GSDMA: variants seen among roughly 807,000 people sequenced by gnomAD.
GSDMA encodes gasdermin A.
GSDMA carries 55 observed loss-of-function variants against 54.3 expected under a neutral mutation model. The ratio of observed to expected loss-of-function variants is 1.01; its 90% CI spans 0.82 to 1.27. The LOEUF (loss-of-function observed/expected upper bound fraction) is 1.27. Among genes scored for constraint, GSDMA ranks in the 50% most tolerant of loss-of-function variants. The pLI is 0.00. For missense variants in GSDMA, 542 were observed against 542.6 expected (o/e 1.00, Z 0.01); for synonymous variants, 211 against 224.7 (o/e 0.94, Z 0.54).
In GSDMA at chr17:39,976,424, G is replaced by A. The variant is rs1426493831; in HGVS notation, c.1096-392G>A. ...CTCCCGAGTAGCTGGGATTACAGGCGCCCACCACCACACCCTGCTAATTTT... is the reference window on the plus strand; with the variant it reads ...CTCCCGAGTAGCTGGGATTACAGGCACCCACCACCACACCCTGCTAATTTT... On this transcript the variant is annotated intron_variant, in intron 11 of 11. Coordinates refer to ENST00000301659, the MANE Select transcript of GSDMA (RefSeq NM_178171.5). Among the ~76,000 whole-genome samples the A allele has an allele frequency of 7.9e-5, 12 of 151,930 alleles. No homozygotes were observed. The East Asian group carries it at 2.1e-3, about 27-fold the overall frequency.
At chr17:39,976,067 C>T in intron 11 of GSDMA, 70 bp downstream of exon 11, 2 of 1,189,710 alleles carry the variant, frequency 1.7e-6, no homozygotes, top group Non-Finnish European at 2.4e-6. Flanking sequence ...GCAGATTTCG[C>T]CTAAGGATGG....
rs1568127916 is a variant in GSDMA at position 39,966,448 on chromosome 17, G to A, written c.392+11G>A. On this transcript the variant is annotated intron_variant, in intron 3 of 11. Coordinates refer to ENST00000301659, the MANE Select transcript of GSDMA (RefSeq NM_178171.5). ...GACCGTGCAGGAGAGGTGAGAGTGG[G>A]CGGGACTGAGGGTCTCCCGGGATGT... 6 of 1,586,668 alleles carry A rather than the reference G, an allele frequency of 3.8e-6. No individual in the cohort carries two copies. The highest frequency in any genetic ancestry group is 2.7e-5 in the African/African-American group (2 of 73,530).
At chr17:39,970,728 C>T (rs1979902136) in intron 4 of GSDMA, 81 bp downstream of exon 4, 2 of 1,256,908 alleles carry the variant, frequency 1.6e-6, no homozygotes, top group African/African-American at 1.6e-5. Flanking sequence ...TTCAGCCCCT[C>T]CTTGGAGGCT....
intron 2 of GSDMA, 46 bp downstream of exon 2, chr17:39,965,947 G>A (rs8069202): frequency 0.45 from 676,112 of 1,516,220 alleles, 152,454 homozygotes; most frequent in East Asian, 0.54. Flanking sequence ...TGAGGGACAG[G>A]GGCTGGGCAC....
In GSDMA at chr17:39,965,830, T is replaced by C; in HGVS notation, c.143T>C (p.Phe48Ser). The change falls in exon 2 of 12, where the codon TTC (phenylalanine) becomes TCC (serine). Residue 48 changes from phenylalanine to serine, a missense_variant. By Grantham distance (155) the Phe-to-Ser change is radical. Transcript: ENST00000301659. ...CTGAGGAAGAGGAAGAGCACGCTCT[T>C]CTGGGGGGCCCGGTACGTCCGCACC... ...LVLRKRKSTL[F>S]WGARYVRTDY... is the part of the protein sequence containing the mutation. 1 of 1,584,108 alleles carries C rather than the reference T, an allele frequency of 6.3e-7. No homozygotes were observed.
At chr17:39,972,548 G>C (rs994173318) in intron 6 of GSDMA, 39 bp from the exon 7 acceptor site, 1 of 1,606,526 alleles carries the variant, frequency 6.2e-7, no homozygotes, top group Non-Finnish European at 8.5e-7. Flanking sequence ...GGCAAAAATG[G>C]GTTTTGTGCT....
intron 11 of GSDMA, 121 bp from the exon 12 acceptor site, chr17:39,976,695 T>C: frequency 1.5e-6 from 2 of 1,319,614 alleles, no homozygotes; most frequent in South Asian, 1.3e-5. Flanking sequence ...GATGGGGTTG[T>C]AATGTAAGGT....
intron 3 of GSDMA, 105 bp downstream of exon 3, chr17:39,966,542 T>C: frequency 9.6e-7 from 1 of 1,039,918 alleles, no homozygotes; most frequent in Non-Finnish European, 1.4e-6. Context: ...GCACTGACCT[T>C]TGCCAATGTG....
rs756150623 is a variant in GSDMA at position 39,975,914 on chromosome 17, T to C, written c.1022-10T>C. 1 of 1,586,936 alleles carries C rather than the reference T, an allele frequency of 6.3e-7. No individual in the cohort carries two copies. The highest frequency in any genetic ancestry group is 1.8e-5 in the Admixed American group (1 of 56,056). On this transcript the variant is annotated splice_polypyrimidine_tract_variant and intron_variant, in intron 10 of 11. Transcript: ENST00000301659. Reference sequence around the variant, plus strand: ...AGCAACACACATCTTTCTCTGCTTTTTTTCTCCAGAGCTAAGTGAAGCCCA... The same window carrying C: ...AGCAACACACATCTTTCTCTGCTTTCTTTCTCCAGAGCTAAGTGAAGCCCA...
At chr17:39,966,673 T>C (rs1979686333) in intron 3 of GSDMA, among the ~76,000 whole-genome samples, 1 of 152,148 alleles carries the variant, frequency 6.6e-6, no homozygotes, top group Non-Finnish European at 1.5e-5. Flanking sequence ...CTGTCACGCA[T>C]GCACAGGGAA....
At chr17:39,969,819 A>C (rs947396551) in intron 3 of GSDMA, among the ~76,000 whole-genome samples, 2 of 152,056 alleles carry the variant, frequency 1.3e-5, no homozygotes, top group African/African-American at 2.4e-5. Flanking sequence ...GTGCCACTGC[A>C]CTCCAGCCTG....
At chr17:39,972,049 C>A in intron 5 of GSDMA, 80 bp from the exon 6 acceptor site, 2 of 930,698 alleles carry the variant, frequency 2.1e-6, no homozygotes, top group South Asian at 1.4e-5. Context: ...CTTAGCAGAG[C>A]CCTTTGGCTT....
chr17:39,970,389 G>A, intron 3 of GSDMA, 93 bp from the exon 4 acceptor site: 2 of 1,231,524 alleles, frequency 1.6e-6, no homozygotes, highest in Non-Finnish European at 2.2e-6. Flanking sequence ...CCACCACAAT[G>A]TCTAGTTCCT....
rs1285289410 is a variant in GSDMA at position 39,974,311 on chromosome 17, G to C, written c.790G>C (p.Val264Leu). 4.3e-6 allele frequency: 7 copies of C among 1,611,416 alleles called. No individual in the cohort carries two copies. In the East Asian group the frequency reaches 1.3e-4, roughly 31 times the overall value. Reference protein sequence around the residue: ...HEGFRTLKEEVQRETQQVEKL... With the variant: ...HEGFRTLKEELQRETQQVEKL... ...AGGCTTCAGGACACTAAAAGAAGAA[G>C]TTCAGAGAGAGACCCAACAAGTGGA... The change falls in exon 9 of 12, where the codon GTT (valine) becomes CTT (leucine). Residue 264 changes from valine to leucine, a missense_variant. By Grantham distance (32) the Val-to-Leu change is conservative. Coordinates refer to ENST00000301659, the MANE Select transcript of GSDMA (RefSeq NM_178171.5).
chr17:39,969,344 TAAA>T (rs5820313), intron 3 of GSDMA, among the ~76,000 whole-genome samples: 2 of 135,284 alleles, frequency 1.5e-5, no homozygotes, highest in Non-Finnish European at 1.6e-5. Flanking sequence ...AGTGGGACCT[TAAA>T]AAAAAAAAAA....
At chr17:39,964,488 G>T (rs934631311) in intron 1 of GSDMA, among the ~76,000 whole-genome samples, 1 of 151,966 alleles carries the variant, frequency 6.6e-6, no homozygotes, top group African/African-American at 2.4e-5. Context: ...AGAATCGCTT[G>T]AATCTGAGAG....
chr17:39,970,378 G>A, intron 3 of GSDMA, 104 bp from the exon 4 acceptor site: 1 of 1,126,090 alleles, frequency 8.9e-7, no homozygotes, highest in Non-Finnish European at 1.2e-6. Flanking sequence ...CTCCTTCCCT[G>A]CCACCACAAT....
chr17:39,970,224 A>G (rs4580194), intron 3 of GSDMA, among the ~76,000 whole-genome samples: 62,525 of 151,902 alleles, frequency 0.41, 13,164 homozygotes, highest in Admixed American at 0.51. Flanking sequence ...TGCTGGCCCA[A>G]TTACCGAGTT....
chr17:39,963,345 G>GA (rs34763545), intron 1 of GSDMA, among the ~76,000 whole-genome samples: 64,109 of 145,540 alleles, frequency 0.44, 14,146 homozygotes, highest in South Asian at 0.49. Context: ...GAATGAGGGT[G>GA]AAAAAAAAAA....
Sources: gnomAD v4.1 joint callset for allele counts (sites outside exome capture counted in the v4.1 genomes callset) on GRCh38, gnomAD v4.1.1 for gene constraint, MANE v1.5 for transcripts, NCBI Gene and HGNC (gene_info 2026-07-23, HGNC 2026-07-21) for gene names.